UGT1A3: variants seen among roughly 807,000 people sequenced by gnomAD.
The protein encoded by UGT1A3 is UDP-glucuronosyltransferase 1A3.
A neutral mutation model predicts 41.0 loss-of-function variants in UGT1A3; 31 were observed. The observed-to-expected ratio is 0.76, with a 90% confidence interval of 0.57 to 1.02. The LOEUF (loss-of-function observed/expected upper bound fraction) is 1.02. UGT1A3 is among the 50% of genes least tolerant of loss of function. The pLI is 0.00. For synonymous variants in UGT1A3, 262 were observed against 257.6 expected (o/e 1.02, Z -0.17); for missense variants, 737 against 671.0 (o/e 1.10, Z -1.09).
intron 1 of UGT1A3, among the ~76,000 whole-genome samples, chr2:233,737,561 C>T (rs1436138407): frequency 1.3e-5 from 2 of 152,190 alleles, no homozygotes; most frequent in African/African-American, 4.8e-5. Flanking sequence ...CAGTGGGATG[C>T]ACCCACTATC....
chr2:233,768,681 C>T lies in UGT1A3; in HGVS notation c.1307+242C>T, dbSNP rs537750391. On this transcript the variant is annotated intron_variant, in intron 4 of 4. Coordinates refer to ENST00000482026, the MANE Select transcript of UGT1A3 (RefSeq NM_019093.4). Reference sequence around the variant, plus strand: ...GGCTTACTGCAACCTCCACCTCCCACGTTCAAGCAGTTCTGCCTCAGCCTC... The same window carrying T: ...GGCTTACTGCAACCTCCACCTCCCATGTTCAAGCAGTTCTGCCTCAGCCTC... 2.7e-5 allele frequency among the ~76,000 whole-genome samples: 4 copies of T among 148,006 alleles called. No individual in the cohort carries two copies. The East Asian group carries it at 6.1e-4, about 23-fold the overall frequency.
At position 233,769,903 on chromosome 2, in the gene UGT1A3, G is replaced by C. The variant is rs1699979126; in HGVS notation, c.1307+1464G>C. On this transcript the variant is annotated intron_variant, in intron 4 of 4. Transcript: ENST00000482026. The surrounding 1 kb of genome is among the most constrained non-coding windows in gnomAD (Gnocchi z 4.4). ...AAAGTCCACATAACCTGAGCATCATGTGCCCAGAGCGTTGGGTGGTGTGGT... is the reference window on the plus strand; with the variant it reads ...AAAGTCCACATAACCTGAGCATCATCTGCCCAGAGCGTTGGGTGGTGTGGT... 1 of 333,056 alleles carries C rather than the reference G, an allele frequency of 3.0e-6. No individual in the cohort carries two copies. The highest frequency in any genetic ancestry group is 6.0e-5 in the East Asian group (1 of 16,780). 20.6% of individuals were successfully genotyped at this position (333,056 alleles called of 1,614,324 possible).
chr2:233,735,494 C>T (rs1320863859), intron 1 of UGT1A3, among the ~76,000 whole-genome samples: 1 of 152,164 alleles, frequency 6.6e-6, no homozygotes, highest in Non-Finnish European at 1.5e-5. Flanking sequence ...TTAATTGCAG[C>T]ATTTAGCCCA....
intron 1 of UGT1A3, among the ~76,000 whole-genome samples, chr2:233,737,339 C>T (rs1412051076): frequency 6.6e-6 from 1 of 152,240 alleles, no homozygotes; most frequent in Non-Finnish European, 1.5e-5. Context: ...GAGCAAGGCT[C>T]CGTGGGCATG....
In UGT1A3 at chr2:233,767,082, TTC is replaced by T; in HGVS notation, c.920_921del (p.Ser307PhefsTer18). ...NASGEHGIVV[F>X]SLGSMVSEIP... ...TTCTGGAGAACATGGAATTGTGGTTTTCTCTTTGGGATCAATGGTCTCAGAAA... is the reference window on the plus strand; with the variant it reads ...TTCTGGAGAACATGGAATTGTGGTTTTCTTTGGGATCAATGGTCTCAGAAA... On this transcript the variant is annotated frameshift_variant, in exon 2 of 5. Coordinates refer to ENST00000482026, the MANE Select transcript of UGT1A3 (RefSeq NM_019093.4). LOFTEE classifies it high-confidence loss of function. The T allele has an allele frequency of 6.2e-7, 1 of 1,614,166 alleles. No homozygotes were observed. The highest frequency in any genetic ancestry group is 8.5e-7 in the Non-Finnish European group (1 of 1,180,030).
intron 1 of UGT1A3, among the ~76,000 whole-genome samples, chr2:233,734,109 T>C (rs1028372875): frequency 6.6e-6 from 1 of 152,072 alleles, no homozygotes; most frequent in African/African-American, 2.4e-5. Flanking sequence ...AGTATAATAA[T>C]AATAATAATA....
chr2:233,759,167 C>T (rs1180599090), intron 1 of UGT1A3, among the ~76,000 whole-genome samples: 1 of 152,178 alleles, frequency 6.6e-6, no homozygotes, highest in African/African-American at 2.4e-5. Flanking sequence ...ACAAGGCAGG[C>T]AGGTTTCACG....
At chr2:233,731,882 C>A (rs2078215677) in intron 1 of UGT1A3, among the ~76,000 whole-genome samples, 2 of 152,208 alleles carry the variant, frequency 1.3e-5, no homozygotes, top group Admixed American at 6.5e-5. Context: ...AATGGTTGAA[C>A]TAATTTACAC....
intron 1 of UGT1A3, chr2:233,755,289 T>C (rs1695843329): frequency 6.1e-6 from 4 of 651,342 alleles, no homozygotes; most frequent in Non-Finnish European, 9.5e-6. Context: ...CCAAAGAGCC[T>C]GCGGGGCACT....
At chr2:233,766,075 T>C (rs1699041647) in intron 1 of UGT1A3, among the ~76,000 whole-genome samples, 1 of 152,186 alleles carries the variant, frequency 6.6e-6, no homozygotes, top group Non-Finnish European at 1.5e-5. Context: ...CCCTCTACCT[T>C]GTCGCAAGGA....
In UGT1A3 at chr2:233,767,104, C is replaced by T. The variant is rs1699318263; in HGVS notation, c.938C>T (p.Ser313Leu). The part of the protein sequence containing the change: ...IVVFSLGSMV[S>L]EIPEKKAMAI... ...GTTTTCTCTTTGGGATCAATGGTCT[C>T]AGAAATTCCAGAGAAGAAAGCTATG... The change falls in exon 2 of 5, where the codon TCA becomes TTA. Residue 313 changes from serine to leucine, a missense_variant. Ser to Leu is a moderately radical substitution (Grantham distance 145). Coordinates refer to ENST00000482026, the MANE Select transcript of UGT1A3 (RefSeq NM_019093.4). 6.2e-7 allele frequency: 1 copy of T among 1,614,114 alleles called. No individual in the cohort carries two copies. The highest frequency in any genetic ancestry group is 8.5e-7 in the Non-Finnish European group (1 of 1,180,014).
rs144416943 is a variant in UGT1A3, at chr2:233,751,718, G to A, written c.868-15316G>A. 2.1e-3 allele frequency among the ~76,000 whole-genome samples: 324 copies of A among 152,254 alleles called. 2 individuals carry two copies. The highest frequency in any genetic ancestry group is 7.5e-3 in the African/African-American group (310 of 41,552). ...GGGGCTCTTCCTCCTTCACTCACAA[G>A]TGAACTCTTCCTCTCTGTTTCTCTC... On this transcript the variant is annotated intron_variant, in intron 1 of 4. Transcript: ENST00000482026.
In UGT1A3 at chr2:233,729,839, T is replaced by A. The variant is rs749325726; in HGVS notation, c.713T>A (p.Leu238His). 8.7e-6 allele frequency: 14 copies of A among 1,613,780 alleles called. No homozygotes were observed. The highest frequency in any genetic ancestry group is 4.2e-6 in the Non-Finnish European group (5 of 1,179,856). The change falls in exon 1 of 5, where the codon CTT becomes CAT. Residue 238 changes from leucine to histidine, a missense_variant. Leu to His is a moderately conservative substitution (Grantham distance 99). Transcript: ENST00000482026. ...SAPYASLASELFQREVSVVDI... is the reference protein window; with the variant it reads ...SAPYASLASEHFQREVSVVDI... ...CCTTATGCAAGCCTTGCCTCTGAGC[T>A]TTTTCAGAGAGAGGTGTCAGTGGTG...
At chr2:233,767,273 T>C (rs772040465) in intron 2 of UGT1A3, 108 bp downstream of exon 2, 1 of 1,581,726 alleles carries the variant, frequency 6.3e-7, no homozygotes, top group Non-Finnish European at 8.5e-7. Context: ...GATTTGGCTT[T>C]TCCCTGCCAC....
intron 1 of UGT1A3, chr2:233,747,633 C>T (rs1217240528): frequency 4.9e-5 from 78 of 1,580,658 alleles, no homozygotes; most frequent in Non-Finnish European, 6.7e-5. Flanking sequence ...GATCAGGCAC[C>T]TGAATGCTAC....
Position 233,729,832 on chromosome 2 carries a change from T to C in UGT1A3, c.706T>C (p.Ser236Pro). ...TTCTGCTCCTTATGCAAGCCTTGCC[T>C]CTGAGCTTTTTCAGAGAGAGGTGTC... ...AFSAPYASLA[S>P]ELFQREVSVV... Residue 236 changes from serine (S) to proline (P), a missense_variant, in exon 1 of 5, where the codon TCT (serine) becomes CCT (proline). Physicochemically the swap from Ser to Pro is moderately conservative, Grantham distance 74. Coordinates refer to ENST00000482026, the MANE Select transcript of UGT1A3 (RefSeq NM_019093.4). The C allele has an allele frequency of 6.2e-7, 1 of 1,613,940 alleles. No individual in the cohort carries two copies. Among genetic ancestry groups the C allele is most frequent in the Non-Finnish European group, 8.5e-7 (1 of 1,179,856 alleles).
chr2:233,755,203 A>G, intron 1 of UGT1A3: 1 of 1,097,556 alleles, frequency 9.1e-7, no homozygotes, highest in Non-Finnish European at 1.3e-6. Flanking sequence ...AGCTTGCGGT[A>G]CGCCTTCTTG....
At chr2:233,762,213 C>T (rs889171473) in intron 1 of UGT1A3, among the ~76,000 whole-genome samples, 1 of 152,104 alleles carries the variant, frequency 6.6e-6, no homozygotes, top group Non-Finnish European at 1.5e-5. Flanking sequence ...ATTTGGCGCC[C>T]CATAAATCTC....
intron 1 of UGT1A3, among the ~76,000 whole-genome samples, chr2:233,732,436 G>A (rs987831872): frequency 2.6e-5 from 4 of 152,194 alleles, no homozygotes; most frequent in Non-Finnish European, 4.4e-5. Flanking sequence ...GATTTTTATG[G>A]TTTTAGGTCT....
Sources: gnomAD v4.1 joint callset for allele counts (sites outside exome capture counted in the v4.1 genomes callset) on GRCh38, gnomAD v4.1.1 for gene constraint, Gnocchi (gnomAD v3.1) non-coding constraint, MANE v1.5 for transcripts, NCBI Gene and HGNC (gene_info 2026-07-23, HGNC 2026-07-21) for gene names.